The following FBRSL1 variants were observed in gnomAD, a reference collection of about 807,000 sequenced individuals.
FBRSL1 encodes fibrosin like 1, also known as fibrosin-1-like protein.
A neutral mutation model predicts 89.6 loss-of-function variants in FBRSL1; 51 were observed. The observed-to-expected ratio is 0.57, with a 90% CI of 0.45 to 0.72. The LOEUF (loss-of-function observed/expected upper bound fraction) is 0.72. Ranked by LOEUF, FBRSL1 falls within the 30% of genes least tolerant of loss-of-function variation. The pLI is 0.00. For missense variants in FBRSL1, 1,618 were observed against 1,451.8 expected (o/e 1.11, Z -1.86); for synonymous variants, 779 against 681.1 (o/e 1.14, Z -2.24).
intron 18 of FBRSL1, 110 bp downstream of exon 18, chr12:132,582,376 T>TCTCCCTCACCGTTCCCC: frequency 1.2e-6 from 1 of 821,924 alleles, no homozygotes; most frequent in Non-Finnish European, 1.8e-6. Flanking sequence ...CCCCGTTTCC[T>TCTCCCTCACCGTTCCCC]CTCCCTCACC....
chr12:132,515,332 C>T (rs2034739442), intron 2 of FBRSL1, among the ~76,000 whole-genome samples: 1 of 152,178 alleles, frequency 6.6e-6, no homozygotes, highest in Non-Finnish European at 1.5e-5. Context: ...CTCCCCTGTC[C>T]TCCCACCCAG....
intron 15 of FBRSL1, among the ~76,000 whole-genome samples, chr12:132,580,128 G>A (rs540915975): frequency 1.9e-4 from 29 of 152,130 alleles, no homozygotes; most frequent in African/African-American, 6.7e-4. Flanking sequence ...TTGCTGTGTC[G>A]CCAGGCTGGA....
chr12:132,535,525 G>T (rs1021707219), intron 4 of FBRSL1, among the ~76,000 whole-genome samples: 1 of 152,256 alleles, frequency 6.6e-6, no homozygotes, highest in Non-Finnish European at 1.5e-5. Context: ...TGATCCGCAG[G>T]TGTGTGGGGC....
rs2039917546 is a variant in FBRSL1, at chr12:132,570,251, C to A, written c.1007+10C>A. On this transcript the variant is annotated intron_variant, in intron 7 of 18. Coordinates refer to ENST00000680143, the MANE Select transcript of FBRSL1 (RefSeq NM_001367871.1). ...GCCTGCACGGCCTCAGGTGGGGTCC[C>A]CGCGGGGGACGGGGCCTGTGTGGTC... 1.3e-6 allele frequency: 2 copies of A among 1,491,452 alleles called. No homozygotes were observed. The highest frequency in any genetic ancestry group is 1.8e-6 in the Non-Finnish European group (2 of 1,129,256). 92.4% of individuals were successfully genotyped at this position (1,491,452 alleles called of 1,614,324 possible).
intron 5 of FBRSL1, among the ~76,000 whole-genome samples, chr12:132,561,982 G>A (rs565034766): frequency 1.8e-4 from 27 of 152,276 alleles, no homozygotes; most frequent in Non-Finnish European, 2.6e-4. Context: ...AGGAGGTGCC[G>A]AGGCCTTTCT....
In FBRSL1 at chr12:132,546,148, C is replaced by T. The variant is rs1405680120; in HGVS notation, c.616-1855C>T. On this transcript the variant is annotated intron_variant, in intron 4 of 18. Coordinates refer to ENST00000680143, the MANE Select transcript of FBRSL1 (RefSeq NM_001367871.1). This position sits in a 1 kb window ranked among gnomAD's most constrained non-coding sequence, Gnocchi z 4.0. ...GAGCTTGTGGCTTTCCCCTGCCCCA[C>T]GTCCTGGTCTTTGCTTCCTTTGCTC... Among the ~76,000 whole-genome samples, 1 of 152,264 alleles carries T rather than the reference C, an allele frequency of 6.6e-6. No homozygotes were observed. The highest frequency in any genetic ancestry group is 1.5e-5 in the Non-Finnish European group (1 of 68,038).
At chr12:132,565,360 A>G (rs1425631959) in intron 5 of FBRSL1, 1 of 152,234 alleles carries the variant, frequency 6.6e-6, no homozygotes, top group Non-Finnish European at 1.5e-5. Flanking sequence ...AGACGCCGAC[A>G]CGCGGGCACC....
intron 4 of FBRSL1, among the ~76,000 whole-genome samples, chr12:132,532,505 C>T (rs1461517957): frequency 6.6e-6 from 1 of 152,218 alleles, no homozygotes; most frequent in Non-Finnish European, 1.5e-5. Flanking sequence ...CCAGGCCCTT[C>T]CTGTCCCCAC....
At chr12:132,549,682 C>T (rs1013877924) in intron 5 of FBRSL1, among the ~76,000 whole-genome samples, 1 of 152,234 alleles carries the variant, frequency 6.6e-6, no homozygotes, top group African/African-American at 2.4e-5. Context: ...ACCTGTGGCC[C>T]CGGAGGCCAG....
At chr12:132,551,714 G>A (rs760650846) in intron 5 of FBRSL1, 17 of 390,044 alleles carry the variant, frequency 4.4e-5, no homozygotes, top group Admixed American at 1.8e-4. Flanking sequence ...CACTGTGCCC[G>A]CCCAGCCGCC....
chr12:132,516,239 G>A (rs528090248), intron 2 of FBRSL1, among the ~76,000 whole-genome samples: 36 of 149,608 alleles, frequency 2.4e-4, no homozygotes, highest in African/African-American at 8.4e-4. Context: ...CACCCAGGCT[G>A]GAGTGCAGTG....
chr12:132,491,881 C>T (rs1350778006), intron 1 of FBRSL1, among the ~76,000 whole-genome samples: 1 of 152,230 alleles, frequency 6.6e-6, no homozygotes, highest in Non-Finnish European at 1.5e-5. Flanking sequence ...GCTGGGGCTT[C>T]GTGTCCCAAG....
intron 3 of FBRSL1, 80 bp from the exon 4 acceptor site, chr12:132,527,873 G>T (rs2035935344): frequency 7.3e-7 from 1 of 1,362,170 alleles, no homozygotes. Flanking sequence ...GCTGAGGGCT[G>T]CAGGGCAGCT....
chr12:132,535,171 T>C (rs1212006071), intron 4 of FBRSL1, among the ~76,000 whole-genome samples: 1 of 152,238 alleles, frequency 6.6e-6, no homozygotes, highest in Non-Finnish European at 1.5e-5. Flanking sequence ...AGACTTTTTG[T>C]GTTGATAAAT....
intron 4 of FBRSL1, among the ~76,000 whole-genome samples, chr12:132,530,417 G>A (rs1034098360): frequency 6.6e-6 from 1 of 152,136 alleles, no homozygotes; most frequent in African/African-American, 2.4e-5. Context: ...TCGGCTCACT[G>A]TGGGTCAGGG....
intron 4 of FBRSL1, among the ~76,000 whole-genome samples, chr12:132,538,229 G>A (rs531790287): frequency 2.6e-5 from 4 of 152,206 alleles, no homozygotes; most frequent in Non-Finnish European, 5.9e-5. Flanking sequence ...TCTAACCAGG[G>A]CTCCAGCCCC....
At chr12:132,500,246 G>A (rs994945772) in intron 1 of FBRSL1, among the ~76,000 whole-genome samples, 6 of 152,156 alleles carry the variant, frequency 3.9e-5, no homozygotes, top group Non-Finnish European at 8.8e-5. Context: ...CTTGGTCCTG[G>A]CTGGCGGCTT....
chr12:132,573,782 G>C (rs115271219), intron 11 of FBRSL1, among the ~76,000 whole-genome samples: 2 of 152,130 alleles, frequency 1.3e-5, no homozygotes, highest in Non-Finnish European at 2.9e-5. Flanking sequence ...GCTCCTCCTG[G>C]GCTGGAGACT....
chr12:132,507,308 G>GA, intron 1 of FBRSL1: 1 of 985,598 alleles, frequency 1.0e-6, no homozygotes, highest in South Asian at 4.7e-5. Context: ...CTGGCCGGCT[G>GA]GCTCCTCTGG....
Sources: allele counts gnomAD v4.1 joint callset (sites outside exome capture counted in the v4.1 genomes callset), GRCh38; gene constraint gnomAD v4.1.1; non-coding constraint Gnocchi (gnomAD v3.1); transcripts MANE v1.5; gene names NCBI Gene and HGNC (gene_info 2026-07-23, HGNC 2026-07-21).